The following CITED2 variants were observed in gnomAD, a reference collection of about 807,000 sequenced individuals.
CITED2 encodes cbp/p300-interacting transactivator 2.
CITED2 carries 2 observed loss-of-function variants against 11.8 expected under a neutral mutation model. The ratio of observed to expected loss-of-function variants is 0.17; its 90% CI spans 0.07 to 0.54. The LOEUF (loss-of-function observed/expected upper bound fraction) is 0.54, where lower values mean the gene tolerates loss of function less well. Among genes scored for constraint, CITED2 ranks in the 20% least tolerant of loss-of-function variants. The pLI is 0.94. For missense variants in CITED2, 437 were observed against 390.2 expected (o/e 1.12, Z -1.01); for synonymous variants, 210 against 153.0 (o/e 1.37, Z -2.75).
At chr6:139,374,360 C>T (rs994710214) in intron 1 of CITED2, 53 bp downstream of exon 1, 4 of 559,786 alleles carry the variant, frequency 7.1e-6, no homozygotes, top group African/African-American at 1.9e-5. Context: ...AAACCCTGCC[C>T]TCGGAGGACT....
At position 139,373,435 on chromosome 6, in the gene CITED2, C is replaced by T. The variant is rs139128813; in HGVS notation, c.510G>A (p.Ser170=). Residue 170 remains serine, a synonymous_variant, in exon 2 of 2, where the codon TCG becomes TCA. Transcript: ENST00000367651. ...HSGGSSTPGG[S]GGSSTPGGSG... ...AGCCGCCGGGGGTGCTGCTGCCGCCCGAGCCGCCGGGGGTGCTGCTGCCGC... is the reference window on the plus strand; with the variant it reads ...AGCCGCCGGGGGTGCTGCTGCCGCCTGAGCCGCCGGGGGTGCTGCTGCCGC... The T allele has an allele frequency of 6.6e-7, 1 of 1,519,228 alleles. No homozygotes were observed. 94.1% of individuals were successfully genotyped at this position (1,519,228 alleles called of 1,614,324 possible). A position where few individuals can be genotyped will look rare whatever the true frequency, so the allele number is the denominator to read the frequency against.
At chr6:139,374,083 A>T (rs944203795) in intron 1 of CITED2, 131 bp from the exon 2 acceptor site, 2 of 1,521,804 alleles carry the variant, frequency 1.3e-6, no homozygotes, top group African/African-American at 2.8e-5. Flanking sequence ...CACCCCCAAG[A>T]TCCCACTAAC....
At position 139,373,361 on chromosome 6, in the gene CITED2, C is replaced by A. The variant is rs760042914; in HGVS notation, c.584G>T (p.Gly195Val). Residue 195 changes from glycine to valine, a missense_variant, in exon 2 of 2, where the codon GGC becomes GTC. Physicochemically the swap from Gly to Val is moderately radical, Grantham distance 109. Transcript: ENST00000367651. Reference sequence around the variant, plus strand: ...GGCGGGCATGTTGCCGCTGCCGCTGCCGCCGCCGCTGTTGCTGCTGCCCGC... The same window carrying A: ...GGCGGGCATGTTGCCGCTGCCGCTGACGCCGCCGCTGTTGCTGCTGCCCGC... Reference protein sequence around the residue: ...GGAGSSNSGGGSGSGNMPASV... With the variant: ...GGAGSSNSGGVSGSGNMPASV... 1.7e-5 allele frequency: 27 copies of A among 1,581,646 alleles called. 1 individual carries two copies. In the Admixed American group the frequency reaches 4.5e-4, roughly 26 times the overall value.
In CITED2 at chr6:139,373,526, G is replaced by A. The variant is rs200447882; in HGVS notation, c.419C>T (p.Pro140Leu). ...PHNHYMPDLH[P>L]AAGHQMNGTN... ...CCCGTTCATCTGGTGGCCTGCAGCA[G>A]GGTGCAAATCCGGCATGTAGTGGTT... The change falls in exon 2 of 2, where the codon CCT becomes CTT. Residue 140 changes from proline to leucine, a missense_variant. By Grantham distance (98) the Pro-to-Leu change is moderately conservative. This residue lies in a region of CITED2 where 396 missense variants were observed against 325.2 expected (regional missense o/e 1.22). Coordinates refer to ENST00000367651, the MANE Select transcript of CITED2 (RefSeq NM_006079.5). 2 of 1,613,958 alleles carry A rather than the reference G, an allele frequency of 1.2e-6. No homozygotes were observed. The highest frequency in any genetic ancestry group is 1.7e-5 in the Admixed American group (1 of 60,018).
rs759486384 is a variant in CITED2, at chr6:139,373,562, G to A, written c.383C>T (p.Pro128Leu). The change falls in exon 2 of 2, where the codon CCC (proline) becomes CTC (leucine). Residue 128 changes from proline (P) to leucine (L), a missense_variant. This residue lies in a region of CITED2 where 396 missense variants were observed against 325.2 expected (regional missense o/e 1.22). Transcript: ENST00000367651. ...CGGCATGTAGTGGTTGTGGGGGTAG[G>A]GGTGATGGTTGAAATACTGGTTGTT... ...KLNNQYFNHH[P>L]YPHNHYMPDL... 2.5e-6 allele frequency: 4 copies of A among 1,614,142 alleles called. No individual in the cohort carries two copies. The highest frequency in any genetic ancestry group is 4.5e-5 in the East Asian group (2 of 44,876).
In CITED2 at chr6:139,373,045, T is replaced by G; in HGVS notation, c.*87A>C. The G allele has an allele frequency of 4.1e-6, 5 of 1,216,376 alleles. No homozygotes were observed. The highest frequency in any genetic ancestry group is 6.1e-6 in the Non-Finnish European group (5 of 818,882). The allele number at this position is 1,216,376 out of a possible 1,614,324, so 75.3% of individuals were successfully genotyped here. A position where few individuals can be genotyped will look rare whatever the true frequency, so the allele number is the denominator to read the frequency against. On this transcript the variant is annotated 3_prime_UTR_variant, in exon 2 of 2. Coordinates refer to ENST00000367651, the MANE Select transcript of CITED2 (RefSeq NM_006079.5). Reference sequence around the variant, plus strand: ...CTCAAACCTTTCAAGATCTGAAAAGTGAGATACTGTGTCTAAGGGAATGTT... The same window carrying G: ...CTCAAACCTTTCAAGATCTGAAAAGGGAGATACTGTGTCTAAGGGAATGTT...
At position 139,372,885 on chromosome 6, in the gene CITED2, A is replaced by G; in HGVS notation, c.*247T>C. On this transcript the variant is annotated 3_prime_UTR_variant, in exon 2 of 2. Coordinates refer to ENST00000367651, the MANE Select transcript of CITED2 (RefSeq NM_006079.5). ...AACAACGAAAAAGACCAAGTTAGCT[A>G]GATATTTCAACTACATAAGGGAGGT... 2 of 550,010 alleles carry G rather than the reference A, an allele frequency of 3.6e-6. No homozygotes were observed. Among genetic ancestry groups the G allele is most frequent in the African/African-American group, 3.8e-5 (2 of 52,910 alleles). The allele number at this position is 550,010 out of a possible 1,614,324, so 34.1% of individuals were successfully genotyped here. A position where few individuals can be genotyped will look rare whatever the true frequency, so the allele number is the denominator to read the frequency against.
Position 139,374,417 on chromosome 6 carries a change from C to A in CITED2, c.-13G>T. 1 of 428,634 alleles carries A rather than the reference C, an allele frequency of 2.3e-6. No homozygotes were observed. Among genetic ancestry groups the A allele is most frequent in the Non-Finnish European group, 4.1e-6 (1 of 241,740 alleles). 26.6% of individuals were successfully genotyped at this position (428,634 alleles called of 1,614,324 possible). ...AGCTTCGCCCGTCGCGCTTACCTTCCGTTTTTGCGATTTCTGCTCCGAAGA... is the reference window on the plus strand; with the variant it reads ...AGCTTCGCCCGTCGCGCTTACCTTCAGTTTTTGCGATTTCTGCTCCGAAGA... On this transcript the variant is annotated 5_prime_UTR_variant, in exon 1 of 2. Transcript: ENST00000367651.
In CITED2 at chr6:139,371,861, ATCTACC is replaced by A. The variant is rs1554233381; in HGVS notation, c.*1265_*1270del. 1.3e-5 allele frequency: 2 copies of A among 152,220 alleles called. No homozygotes were observed. Among genetic ancestry groups the A allele is most frequent in the Non-Finnish European group, 2.9e-5 (2 of 68,046 alleles). 9.4% of individuals were successfully genotyped at this position (152,220 alleles called of 1,614,324 possible). On this transcript the variant is annotated 3_prime_UTR_variant, in exon 2 of 2. Coordinates refer to ENST00000367651, the MANE Select transcript of CITED2 (RefSeq NM_006079.5). ...ATCAATCAATCAGTGTATTATTCCA[ATCTACC>A]TCTATTTAAGTAGTTGAATCAGGTA...
At position 139,373,874 on chromosome 6, in the gene CITED2, G is replaced by A. The variant is rs1423747603; in HGVS notation, c.71C>T (p.Pro24Leu). The A allele has an allele frequency of 6.2e-7, 1 of 1,602,484 alleles. No homozygotes were observed. Among genetic ancestry groups the A allele is most frequent in the Non-Finnish European group, 8.5e-7 (1 of 1,179,946 alleles). ...PDGTNGLHHH[P>L]AHRMGMGQFP... ...CTGCCCCATGCCCATGCGGTGGGCA[G>A]GGTGATGGTGCAGCCCATTGGTGCC... is the stretch of plus-strand genomic sequence containing the variant. The change falls in exon 2 of 2, where the codon CCT becomes CTT. Residue 24 changes from proline (P) to leucine (L), a missense_variant. By Grantham distance (98) the Pro-to-Leu change is moderately conservative (BLOSUM62 -3). Coordinates refer to ENST00000367651, the MANE Select transcript of CITED2 (RefSeq NM_006079.5).
Position 139,372,645 on chromosome 6 carries a change from T to C in CITED2, c.*487A>G. ...AAAAATTAGTCTGTACTCAAATGCA[T>C]AGTTAAAAAAATGAAGCGAGATGGC... On this transcript the variant is annotated 3_prime_UTR_variant, in exon 2 of 2. Transcript: ENST00000367651. 5.0e-6 allele frequency: 1 copy of C among 199,212 alleles called. No individual in the cohort carries two copies. Among genetic ancestry groups the C allele is most frequent in the East Asian group, 1.2e-4 (1 of 8,432 alleles). 12.3% of individuals were successfully genotyped at this position (199,212 alleles called of 1,614,324 possible).
In CITED2 at chr6:139,373,366, G is replaced by A; in HGVS notation, c.579C>T (p.Gly193=). Residue 193 remains glycine (G), a synonymous_variant, in exon 2 of 2, where the codon GGC becomes GGT. Coordinates refer to ENST00000367651, the MANE Select transcript of CITED2 (RefSeq NM_006079.5). ...GCATGTTGCCGCTGCCGCTGCCGCCGCCGCTGTTGCTGCTGCCCGCGCCGC... is the reference window on the plus strand; with the variant it reads ...GCATGTTGCCGCTGCCGCTGCCGCCACCGCTGTTGCTGCTGCCCGCGCCGC... ...SGGGAGSSNS[G]GGSGSGNMPA... is the part of the protein sequence containing the mutation. 1.3e-6 allele frequency: 2 copies of A among 1,589,896 alleles called. No individual in the cohort carries two copies. The highest frequency in any genetic ancestry group is 1.7e-6 in the Non-Finnish European group (2 of 1,170,014).
rs777953942 is a variant in CITED2 at position 139,373,222 on chromosome 6, C to T, written c.723G>A (p.Lys241=). ...GCCCCAGCCAGAGTTCGGGCAGCTCCTTGATGCGGTCCAAACCCATTTCTA... is the reference window on the plus strand; with the variant it reads ...GCCCCAGCCAGAGTTCGGGCAGCTCTTTGATGCGGTCCAAACCCATTTCTA... ...LVIEMGLDRI[K]ELPELWLGQN... Residue 241 remains lysine (K), a synonymous_variant, in exon 2 of 2, where the codon AAG becomes AAA. Coordinates refer to ENST00000367651, the MANE Select transcript of CITED2 (RefSeq NM_006079.5). 10 of 1,614,222 alleles carry T rather than the reference C, an allele frequency of 6.2e-6. No homozygotes were observed. The highest frequency in any genetic ancestry group is 8.5e-7 in the Non-Finnish European group (1 of 1,180,032).
Position 139,373,367 on chromosome 6 carries a change from CCGCTGT to C in CITED2, c.572_577del (p.Asn191_Gly193delinsSer). The C allele has an allele frequency of 6.3e-7, 1 of 1,589,358 alleles. No individual in the cohort carries two copies. Among genetic ancestry groups the C allele is most frequent in the Non-Finnish European group, 8.6e-7 (1 of 1,168,942 alleles). On this transcript the variant is annotated inframe_deletion, in exon 2 of 2. Coordinates refer to ENST00000367651, the MANE Select transcript of CITED2 (RefSeq NM_006079.5). The stretch of plus-strand genomic sequence containing the variant: ...CATGTTGCCGCTGCCGCTGCCGCCG[CCGCTGT>C]TGCTGCTGCCCGCGCCGCCGCCCGA...
chr6:139,372,012 A>G lies in CITED2; in HGVS notation c.*1120T>C, dbSNP rs939647252. On this transcript the variant is annotated 3_prime_UTR_variant, in exon 2 of 2. Coordinates refer to ENST00000367651, the MANE Select transcript of CITED2 (RefSeq NM_006079.5). ...TGATGGCAATTAAGAAAAAAAAAAAAGCAGTGACAACTTTGCAGCTTTTGA... is the reference window on the plus strand; with the variant it reads ...TGATGGCAATTAAGAAAAAAAAAAAGGCAGTGACAACTTTGCAGCTTTTGA... 2 of 152,014 alleles carry G rather than the reference A, an allele frequency of 1.3e-5. No homozygotes were observed. Among genetic ancestry groups the G allele is most frequent in the African/African-American group, 2.4e-5 (1 of 41,400 alleles). The allele number at this position is 152,014 out of a possible 1,614,324, so 9.4% of individuals were successfully genotyped here.
In CITED2 at chr6:139,374,164, G is replaced by A. The variant is rs558578148; in HGVS notation, c.-8-212C>T. 5.2e-5 allele frequency: 75 copies of A among 1,452,148 alleles called. No homozygotes were observed. The African/African-American group carries it at 1.0e-3, about 20-fold the overall frequency. 90.0% of individuals were successfully genotyped at this position (1,452,148 alleles called of 1,614,324 possible). A position where few individuals can be genotyped will look rare whatever the true frequency, so the allele number is the denominator to read the frequency against. Reference sequence around the variant, plus strand: ...AACACAGCCGGACGCTGCACAAACAGCCCCTTCCCCTGCGATCGGGCGGGG... The same window carrying A: ...AACACAGCCGGACGCTGCACAAACAACCCCTTCCCCTGCGATCGGGCGGGG... On this transcript the variant is annotated intron_variant, in intron 1 of 1. Transcript: ENST00000367651.
rs1202854925 is a variant in CITED2 at position 139,374,104 on chromosome 6, C to A, written c.-8-152G>T. 8.0e-6 allele frequency: 12 copies of A among 1,501,506 alleles called. No homozygotes were observed. The East Asian group carries it at 2.7e-4, about 34-fold the overall frequency. 93.0% of individuals were successfully genotyped at this position (1,501,506 alleles called of 1,614,324 possible). A position where few individuals can be genotyped will look rare whatever the true frequency, so the allele number is the denominator to read the frequency against. On this transcript the variant is annotated intron_variant, in intron 1 of 1. Transcript: ENST00000367651. Reference sequence around the variant, plus strand: ...CAAGATCCCACTAACAGCCTGTGCACCCGGGCTAGCCACCACGGAAGAGCT... The same window carrying A: ...CAAGATCCCACTAACAGCCTGTGCAACCGGGCTAGCCACCACGGAAGAGCT...
intron 1 of CITED2, 155 bp downstream of exon 1, chr6:139,374,258 G>A (rs1271428226): frequency 4.6e-6 from 6 of 1,298,300 alleles, no homozygotes; most frequent in African/African-American, 1.5e-5. Flanking sequence ...TAGCCCTGCT[G>A]CGAACTTCAG....
In CITED2 at chr6:139,374,490, G is replaced by A. The variant is rs999225491; in HGVS notation, c.-86C>T. On this transcript the variant is annotated 5_prime_UTR_variant, in exon 1 of 2. Coordinates refer to ENST00000367651, the MANE Select transcript of CITED2 (RefSeq NM_006079.5). ...CAGGACCGGCTCAGCAGCACATAGAGGGGACCTTCCTGGCGTGCAAAGCGC... is the reference window on the plus strand; with the variant it reads ...CAGGACCGGCTCAGCAGCACATAGAAGGGACCTTCCTGGCGTGCAAAGCGC... 10 of 271,662 alleles carry A rather than the reference G, an allele frequency of 3.7e-5. No individual in the cohort carries two copies. Among genetic ancestry groups the A allele is most frequent in the Non-Finnish European group, 7.0e-5 (10 of 143,280 alleles). 16.8% of individuals were successfully genotyped at this position (271,662 alleles called of 1,614,324 possible).
Sources: gnomAD v4.1 joint callset for allele counts on GRCh38, gnomAD v4.1.1 for gene constraint, gnomAD v4.1.1 regional missense constraint, MANE v1.5 for transcripts, NCBI Gene and HGNC (gene_info 2026-07-23, HGNC 2026-07-21) for gene names.